ASTN1: variants seen among roughly 807,000 people sequenced by gnomAD.
ASTN1 encodes astrotactin-1.
ASTN1 carries 41 observed loss-of-function variants against 140.7 expected under a neutral mutation model. The ratio of observed to expected loss-of-function variants is 0.29; its 90% confidence interval spans 0.23 to 0.38. The LOEUF is 0.38. ASTN1 is among the 10% of genes least tolerant of loss of function. The probability of loss-of-function intolerance (pLI) is 1.00; values close to 1 mark genes in which losing one functional copy is unlikely to be tolerated. For synonymous variants in ASTN1, 640 were observed against 652.2 expected (o/e 0.98, Z 0.29); for missense variants, 1,479 against 1,678.8 (o/e 0.88, Z 2.08).
At chr1:176,989,132 A>C (rs1674043505) in intron 8 of ASTN1, among the ~76,000 whole-genome samples, 3 of 152,190 alleles carry the variant, frequency 2.0e-5, no homozygotes, top group Admixed American at 2.0e-4. Flanking sequence ...GATCTCTATA[A>C]AATTGGATTC....
In ASTN1 at chr1:176,868,822, G is replaced by T. The variant is rs1192351380; in HGVS notation, c.3647+22C>A. On this transcript the variant is annotated intron_variant, in intron 22 of 22. Transcript: ENST00000361833. Reference sequence around the variant, plus strand: ...AAAATTTCAAGAAGTCTTTAAAAGGGTTGACTTAGTTTATTGATTACCTGG... The same window carrying T: ...AAAATTTCAAGAAGTCTTTAAAAGGTTTGACTTAGTTTATTGATTACCTGG... The T allele has an allele frequency of 3.2e-6, 5 of 1,578,450 alleles. No homozygotes were observed. The African/African-American group carries it at 4.1e-5, about 13-fold the overall frequency.
At chr1:177,065,741 C>T (rs1251946870) in intron 1 of ASTN1, among the ~76,000 whole-genome samples, 2 of 152,138 alleles carry the variant, frequency 1.3e-5, no homozygotes, top group East Asian at 1.9e-4. Context: ...CAACTGTGAA[C>T]GTGGTGAATG....
At chr1:176,981,134 C>T (rs1673592715) in intron 8 of ASTN1, among the ~76,000 whole-genome samples, 2 of 137,940 alleles carry the variant, frequency 1.4e-5, no homozygotes, top group Non-Finnish European at 3.0e-5. Context: ...ATCACTTGAA[C>T]TCAGGAGGCA....
intron 16 of ASTN1, among the ~76,000 whole-genome samples, chr1:176,899,349 C>T (rs12141490): frequency 0.06 from 9,086 of 152,220 alleles, 348 homozygotes; most frequent in Non-Finnish European, 0.087. Flanking sequence ...AAGTGACCGG[C>T]CCATTCTCAT....
chr1:177,104,165 C>T (rs754395872), intron 1 of ASTN1, among the ~76,000 whole-genome samples: 11 of 152,100 alleles, frequency 7.2e-5, no homozygotes, highest in Non-Finnish European at 1.3e-4. Flanking sequence ...TGGGCAAGTT[C>T]TCCCCAGCAC....
chr1:176,925,121 C>T (rs964491657), intron 16 of ASTN1, among the ~76,000 whole-genome samples: 3 of 152,190 alleles, frequency 2.0e-5, no homozygotes, highest in African/African-American at 7.2e-5. Flanking sequence ...TTTCTGCACA[C>T]AAGCCTAGTG....
intron 8 of ASTN1, among the ~76,000 whole-genome samples, chr1:176,986,520 G>A (rs1036866027): frequency 1.3e-5 from 2 of 152,120 alleles, no homozygotes; most frequent in African/African-American, 4.8e-5. Context: ...ATTTGGAAGT[G>A]GGGGGAAGGA....
Position 177,105,353 on chromosome 1 carries a change from CA to C in ASTN1, c.284-44089del, listed in dbSNP as rs577379153. On this transcript the variant is annotated intron_variant, in intron 1 of 22. Transcript: ENST00000361833. ...TTCACTCCCCATGGAGAACTTTGCC[CA>C]AAAGTGAAAACCTTGGTATGACAAT... Among the ~76,000 whole-genome samples the C allele has an allele frequency of 2.0e-3, 308 of 152,198 alleles. 3 individuals carry two copies. Among genetic ancestry groups the C allele is most frequent in the African/African-American group, 6.6e-3 (273 of 41,528 alleles).
At chr1:177,148,925 T>G (rs2102239162) in intron 1 of ASTN1, among the ~76,000 whole-genome samples, 1 of 150,888 alleles carries the variant, frequency 6.6e-6, no homozygotes, top group Non-Finnish European at 1.5e-5. Context: ...TTTCTTTAAC[T>G]TTTTAAGACA....
Position 176,949,289 on chromosome 1 carries a change from C to T in ASTN1, c.1950G>A (p.Val650=), listed in dbSNP as rs1451722380. 1 of 1,614,108 alleles carries T rather than the reference C, an allele frequency of 6.2e-7. No homozygotes were observed. The highest frequency in any genetic ancestry group is 1.7e-5 in the Admixed American group (1 of 60,026). Residue 650 remains valine (V), a synonymous_variant, in exon 12 of 23, where the codon GTG becomes GTA. Coordinates refer to ENST00000361833, the MANE Select transcript of ASTN1 (RefSeq NM_004319.3). ...CGCCGTTGAAGCCGTCGGAACAGTC[C>T]ACCCCGATGTGGCGGTCATAGCAGC... The part of the protein sequence containing the change: ...SSGCYDRHIG[V]DCSDGFNGGC...
chr1:176,948,595 C>A (rs1026044123), intron 12 of ASTN1, among the ~76,000 whole-genome samples: 1 of 152,120 alleles, frequency 6.6e-6, no homozygotes, highest in Non-Finnish European at 1.5e-5. Context: ...GCTTGCCCTG[C>A]TCCCTCACAG....
At chr1:176,864,843 A>G (rs1415999118) in intron 22 of ASTN1, among the ~76,000 whole-genome samples, 1 of 152,248 alleles carries the variant, frequency 6.6e-6, no homozygotes, top group Non-Finnish European at 1.5e-5. Flanking sequence ...AAGACAAATC[A>G]AATCAAGTTT....
intron 8 of ASTN1, among the ~76,000 whole-genome samples, chr1:176,985,474 TA>T (rs1558010537): frequency 6.6e-6 from 1 of 151,932 alleles, no homozygotes; most frequent in Non-Finnish European, 1.5e-5. Flanking sequence ...CTTTGCAACT[TA>T]AAAAAAATGG....
At chr1:177,033,936 T>C (rs1004264954) in intron 2 of ASTN1, among the ~76,000 whole-genome samples, 1 of 152,068 alleles carries the variant, frequency 6.6e-6, no homozygotes, top group Non-Finnish European at 1.5e-5. Context: ...GTGCACAATC[T>C]CTATTCACTC....
chr1:176,908,835 G>C (rs533653144), intron 16 of ASTN1, among the ~76,000 whole-genome samples: 10 of 152,168 alleles, frequency 6.6e-5, no homozygotes, highest in African/African-American at 2.2e-4. Flanking sequence ...AAAAAAAATA[G>C]CAATGCTCAG....
intron 1 of ASTN1, among the ~76,000 whole-genome samples, chr1:177,114,893 C>T (rs1224314793): frequency 6.6e-6 from 1 of 152,172 alleles, no homozygotes; most frequent in East Asian, 1.9e-4. Context: ...TTTCCTGACC[C>T]AGCTCTTCAT....
At chr1:176,916,715 T>A (rs1670500619) in intron 16 of ASTN1, among the ~76,000 whole-genome samples, 1 of 152,186 alleles carries the variant, frequency 6.6e-6, no homozygotes, top group African/African-American at 2.4e-5. Flanking sequence ...TTTTCCTGAC[T>A]GGTACACTTC....
intron 1 of ASTN1, among the ~76,000 whole-genome samples, chr1:177,144,224 C>A (rs538233658): frequency 6.6e-6 from 1 of 151,002 alleles, no homozygotes; most frequent in African/African-American, 2.4e-5. Flanking sequence ...AAAACATGTC[C>A]GGAGATGAGA....
At chr1:176,926,539 C>G (rs1670978814) in intron 16 of ASTN1, among the ~76,000 whole-genome samples, 1 of 152,356 alleles carries the variant, frequency 6.6e-6, no homozygotes, top group African/African-American at 2.4e-5. Flanking sequence ...TGTTGTGGAA[C>G]AGCTGCCTTC....
Sources: gnomAD v4.1 joint callset for allele counts (sites outside exome capture counted in the v4.1 genomes callset) on GRCh38, gnomAD v4.1.1 for gene constraint, MANE v1.5 for transcripts, NCBI Gene and HGNC (gene_info 2026-07-23, HGNC 2026-07-21) for gene names.